The following FERMT1 variants were observed in gnomAD, a reference collection of about 807,000 sequenced individuals.
FERMT1 encodes fermitin family homolog 1.
Under a neutral mutation model 85.3 loss-of-function variants are expected in FERMT1, and 60 were observed. The ratio of observed to expected loss-of-function variants is 0.70; its 90% CI spans 0.57 to 0.87. The LOEUF (loss-of-function observed/expected upper bound fraction) is 0.87, where lower values mean the gene tolerates loss of function less well. Among genes scored for constraint, FERMT1 ranks in the 40% least tolerant of loss-of-function variants. The pLI is 0.00. For synonymous variants in FERMT1, 275 were observed against 301.1 expected (o/e 0.91, Z 0.90); for missense variants, 701 against 818.9 (o/e 0.86, Z 1.76).
At chr20:6,081,998 C>T (rs532075030) in intron 13 of FERMT1, among the ~76,000 whole-genome samples, 3 of 152,242 alleles carry the variant, frequency 2.0e-5, no homozygotes, top group African/African-American at 7.2e-5. Flanking sequence ...ATCCAGGGAG[C>T]GGTGAAGCAA....
chr20:6,079,604 G>T (rs758314554), intron 13 of FERMT1, 27 bp from the exon 14 acceptor site: 1 of 1,600,560 alleles, frequency 6.2e-7, no homozygotes, highest in Non-Finnish European at 8.6e-7. Flanking sequence ...TATTAGTTAA[G>T]AGAAGCAACT....
chr20:6,118,295 C>T (rs1983163985), intron 2 of FERMT1, among the ~76,000 whole-genome samples: 1 of 151,992 alleles, frequency 6.6e-6, no homozygotes, highest in African/African-American at 2.4e-5. Context: ...AGAGTATATC[C>T]TTTATAATCT....
chr20:6,112,622 A>T lies in FERMT1; in HGVS notation c.387T>A (p.Asn129Lys). Residue 129 changes from asparagine (N) to lysine (K), a missense_variant and splice_region_variant, in exon 4 of 15, where the codon AAT becomes AAA. Asn to Lys is a moderately conservative substitution (Grantham distance 94, BLOSUM62 0). Transcript: ENST00000217289. The stretch of plus-strand genomic sequence containing the variant: ...AGGAAAGCTCTTCTGATCTTCTAAT[A>T]TCTAGAAATAAATATTTTTTAAAAA... ...KAVSDICKIL[N>K]IRRSEELSLL... 6.5e-7 allele frequency: 1 copy of T among 1,532,094 alleles called. No homozygotes were observed. The highest frequency in any genetic ancestry group is 8.8e-7 in the Non-Finnish European group (1 of 1,133,772). The allele number at this position is 1,532,094 out of a possible 1,614,324, so 94.9% of individuals were successfully genotyped here.
At chr20:6,121,964 C>G (rs1443679749) in intron 1 of FERMT1, among the ~76,000 whole-genome samples, 1 of 152,202 alleles carries the variant, frequency 6.6e-6, no homozygotes, top group Non-Finnish European at 1.5e-5. Context: ...AACTGTTCGA[C>G]TTTAAGATCC....
rs371040423 is a variant in FERMT1, at chr20:6,091,026, T to C, written c.1140-1937A>G. ...TAAAAATACAAAAATTAGCTGGCCG[T>C]GGTGGCGTGCACCTGTAGTCCCAGC... On this transcript the variant is annotated intron_variant, in intron 9 of 14. Coordinates refer to ENST00000217289, the MANE Select transcript of FERMT1 (RefSeq NM_017671.5). Among the ~76,000 whole-genome samples the C allele has an allele frequency of 1.1e-4, 17 of 151,532 alleles. No individual in the cohort carries two copies. In the East Asian group the frequency reaches 2.8e-3, roughly 25 times the overall value.
intron 7 of FERMT1, 32 bp from the exon 8 acceptor site, chr20:6,097,065 A>G (rs1230520732): frequency 6.2e-7 from 1 of 1,603,358 alleles, no homozygotes; most frequent in Non-Finnish European, 8.5e-7. Context: ...TAGAAATGTT[A>G]TAAACAGAAA....
intron 13 of FERMT1, among the ~76,000 whole-genome samples, chr20:6,082,304 T>C (rs1293207187): frequency 2.0e-5 from 3 of 152,050 alleles, no homozygotes; most frequent in African/African-American, 7.2e-5. Flanking sequence ...CTCAACACAG[T>C]AGGTTCGGAG....
Position 6,121,725 on chromosome 20 carries a change from A to G in FERMT1, c.-19+1049T>C, listed in dbSNP as rs140065960. On this transcript the variant is annotated intron_variant, in intron 1 of 14. Transcript: ENST00000217289. ...TGCCTGAGGTCACACAGCAAGTTAG[A>G]TGCTGGAGCCCAGGTGGAAATCCAG... Among the ~76,000 whole-genome samples, 276 of 152,352 alleles carry G rather than the reference A, an allele frequency of 1.8e-3. 1 individual carries two copies. Among genetic ancestry groups the G allele is most frequent in the African/African-American group, 6.3e-3 (264 of 41,582 alleles).
chr20:6,087,853 G>T lies in FERMT1; in HGVS notation c.1295C>A (p.Ala432Glu). The part of the protein sequence containing the change: ...GCEVVPDVNV[A>E]GRKFGIKLLI... ...TAACTTGATTCCAAATTTTCTTCCTGCTACATTTACATCGGGCACAACTTC... is the reference window on the plus strand; with the variant it reads ...TAACTTGATTCCAAATTTTCTTCCTTCTACATTTACATCGGGCACAACTTC... The change falls in exon 11 of 15, where the codon GCA becomes GAA. Residue 432 changes from alanine to glutamate, a missense_variant. Coordinates refer to ENST00000217289, the MANE Select transcript of FERMT1 (RefSeq NM_017671.5). The T allele has an allele frequency of 6.2e-7, 1 of 1,610,910 alleles. No individual in the cohort carries two copies.
intron 6 of FERMT1, among the ~76,000 whole-genome samples, chr20:6,105,460 T>G (rs948303400): frequency 1.3e-5 from 2 of 152,232 alleles, no homozygotes; most frequent in African/African-American, 4.8e-5. Context: ...TACTTGTCAC[T>G]CTGTGACCAC....
intron 13 of FERMT1, among the ~76,000 whole-genome samples, chr20:6,080,717 G>T (rs775538409): frequency 6.6e-6 from 1 of 152,188 alleles, no homozygotes; most frequent in Non-Finnish European, 1.5e-5. Flanking sequence ...TGACTCCAAA[G>T]GATTTGGCCT....
rs747229799 is a variant in FERMT1, at chr20:6,115,926, G to A, written c.270C>T (p.Phe90=). Residue 90 remains phenylalanine (F), a synonymous_variant, in exon 3 of 15, where the codon TTC becomes TTT. Transcript: ENST00000217289. Reference sequence around the variant, plus strand: ...GGCGCAGCATTTTATGCTGAGGGGTGAAGAGAAGCTTTGCATCTGCCTGGA... The same window carrying A: ...GGCGCAGCATTTTATGCTGAGGGGTAAAGAGAAGCTTTGCATCTGCCTGGA... The part of the protein sequence containing the change: ...YGVQADAKLL[F]TPQHKMLRLR... 1.2e-6 allele frequency: 2 copies of A among 1,614,184 alleles called. No homozygotes were observed. The highest frequency in any genetic ancestry group is 1.7e-6 in the Non-Finnish European group (2 of 1,179,986).
Position 6,087,879 on chromosome 20 carries a change from G to A in FERMT1, c.1269C>T (p.Cys423=), listed in dbSNP as rs752418276. ...CTACATTTACATCGGGCACAACTTC[G>A]CAGCCTGAAGGACAAAGATCAGAGA... ...EPLEKLNLRG[C]EVVPDVNVAG... Residue 423 remains cysteine, a synonymous_variant, in exon 11 of 15, where the codon TGC becomes TGT. Coordinates refer to ENST00000217289, the MANE Select transcript of FERMT1 (RefSeq NM_017671.5). 1.1e-5 allele frequency: 18 copies of A among 1,585,690 alleles called. No individual in the cohort carries two copies. Among genetic ancestry groups the A allele is most frequent in the Non-Finnish European group, 1.5e-5 (17 of 1,154,738 alleles).
At chr20:6,118,235 A>G (rs904436454) in intron 2 of FERMT1, among the ~76,000 whole-genome samples, 23 of 152,372 alleles carry the variant, frequency 1.5e-4, no homozygotes, top group African/African-American at 5.3e-4. Flanking sequence ...ATGCAACAGT[A>G]TGGATAAATC....
At position 6,084,170 on chromosome 20, in the gene FERMT1, C is replaced by T. The variant is rs6053893; in HGVS notation, c.1594-6G>A. On this transcript the variant is annotated splice_region_variant and splice_polypyrimidine_tract_variant and intron_variant, in intron 12 of 14. Coordinates refer to ENST00000217289, the MANE Select transcript of FERMT1 (RefSeq NM_017671.5). ...TCCAGGATCCGGGCGGCCAGCTGAA[C>T]AGAAACAGACATCAACCTCTCTTCA... 443 of 1,608,780 alleles carry T rather than the reference C, an allele frequency of 2.8e-4. 6 individuals carry two copies. In the Middle Eastern group the frequency reaches 7.7e-3, roughly 28 times the overall value.
Position 6,076,995 on chromosome 20 carries a change from G to A in FERMT1, c.*178C>T. The A allele has an allele frequency of 1.5e-6, 1 of 678,618 alleles. No homozygotes were observed. Among genetic ancestry groups the A allele is most frequent in the Non-Finnish European group, 2.6e-6 (1 of 385,758 alleles). The allele number at this position is 678,618 out of a possible 1,614,324, so 42.0% of individuals were successfully genotyped here. A position where few individuals can be genotyped will look rare whatever the true frequency, so the allele number is the denominator to read the frequency against. On this transcript the variant is annotated 3_prime_UTR_variant, in exon 15 of 15. Transcript: ENST00000217289. ...GGCTCCTTCCGTGGCTGGTAGCACA[G>A]GGCAAAGTAAGGAAAGGGATGTGCC...
At chr20:6,082,518 T>C (rs919238012) in intron 13 of FERMT1, among the ~76,000 whole-genome samples, 1 of 152,158 alleles carries the variant, frequency 6.6e-6, no homozygotes, top group African/African-American at 2.4e-5. Context: ...GCGCACATAG[T>C]GGGTATCCAG....
At chr20:6,099,985 G>GAA (rs534444380) in intron 6 of FERMT1, among the ~76,000 whole-genome samples, 16,152 of 137,868 alleles carry the variant, frequency 0.12, 1,072 homozygotes, top group African/African-American at 0.19. Flanking sequence ...GACTATCTCA[G>GAA]AAAAAAAAAA....
intron 14 of FERMT1, among the ~76,000 whole-genome samples, chr20:6,077,585 A>G (rs145688981): frequency 5.3e-4 from 80 of 152,110 alleles, no homozygotes; most frequent in African/African-American, 1.8e-3. Context: ...AACTCCCAAC[A>G]CATTTTCTGT....
Sources: gnomAD v4.1 joint callset for allele counts (sites outside exome capture counted in the v4.1 genomes callset) on GRCh38, gnomAD v4.1.1 for gene constraint, MANE v1.5 for transcripts, NCBI Gene and HGNC (gene_info 2026-07-23, HGNC 2026-07-21) for gene names.